The following KCNIP4 variants were observed in gnomAD, a reference collection of about 807,000 sequenced individuals.
KCNIP4 encodes Kv channel-interacting protein 4.
Under a neutral mutation model 34.0 loss-of-function variants are expected in KCNIP4, and 12 were observed. That is an observed-to-expected ratio of 0.35 (90% CI 0.23 to 0.57). KCNIP4 has a LOEUF of 0.57. KCNIP4 is among the 20% of genes least tolerant of loss of function. The pLI is 0.83. For missense variants in KCNIP4, 238 were observed against 311.7 expected (o/e 0.76, Z 1.78); for synonymous variants, 124 against 102.2 (o/e 1.21, Z -1.29).
intron 3 of KCNIP4, among the ~76,000 whole-genome samples, chr4:20,792,635 C>T (rs4697181): frequency 1 from 152,218 of 152,332 alleles, 76,053 homozygotes; most frequent in Middle Eastern, 1. Flanking sequence ...AAGTGGCAAA[C>T]ATTAGACAAA....
At chr4:20,849,780 T>C (rs1400256885) in intron 3 of KCNIP4, among the ~76,000 whole-genome samples, 1 of 152,226 alleles carries the variant, frequency 6.6e-6, no homozygotes. Context: ...GGATGAACTG[T>C]TTTCAGATAG....
At chr4:21,722,251 C>T (rs1714869323) in intron 1 of KCNIP4, among the ~76,000 whole-genome samples, 1 of 152,120 alleles carries the variant, frequency 6.6e-6, no homozygotes, top group Admixed American at 6.6e-5. Context: ...CACAGCTCAA[C>T]TGGGAAGAGA....
At chr4:21,031,629 G>A (rs865824150) in intron 1 of KCNIP4, among the ~76,000 whole-genome samples, 6 of 152,268 alleles carry the variant, frequency 3.9e-5, no homozygotes, top group Middle Eastern at 6.8e-3. Flanking sequence ...TCTCTCCACT[G>A]TACAATATCC....
chr4:21,052,722 C>T (rs1157505862), intron 1 of KCNIP4, among the ~76,000 whole-genome samples: 1 of 152,122 alleles, frequency 6.6e-6, no homozygotes, highest in East Asian at 1.9e-4. Context: ...CCCTTCTGTA[C>T]CTCCTCTGTC....
At chr4:21,626,784 TC>T (rs1183322697) in intron 1 of KCNIP4, among the ~76,000 whole-genome samples, 2 of 152,096 alleles carry the variant, frequency 1.3e-5, no homozygotes, top group African/African-American at 4.8e-5. Context: ...GGTTCTTTTT[TC>T]CCATTGAACG....
At chr4:20,753,192 TAGGG>T (rs1215195360) in intron 4 of KCNIP4, among the ~76,000 whole-genome samples, 2 of 152,128 alleles carry the variant, frequency 1.3e-5, no homozygotes, top group Non-Finnish European at 2.9e-5. Context: ...AAGGTAAAAA[TAGGG>T]ACTTGTAGTG....
chr4:21,105,602 A>G (rs529040970), intron 1 of KCNIP4, among the ~76,000 whole-genome samples: 2 of 151,636 alleles, frequency 1.3e-5, no homozygotes. Context: ...TCTCCTGCCT[A>G]ATTGCCCTGG....
At chr4:21,387,330 G>A (rs1056746162) in intron 1 of KCNIP4, among the ~76,000 whole-genome samples, 13 of 152,060 alleles carry the variant, frequency 8.5e-5, no homozygotes, top group African/African-American at 3.1e-4. Flanking sequence ...ATTTTCATTT[G>A]GTTCAATAAG....
intron 1 of KCNIP4, among the ~76,000 whole-genome samples, chr4:21,193,336 C>T (rs1483176497): frequency 6.6e-6 from 1 of 152,064 alleles, no homozygotes; most frequent in African/African-American, 2.4e-5. Flanking sequence ...AAAAGTAAAG[C>T]TTGCAGAGCA....
intron 1 of KCNIP4, among the ~76,000 whole-genome samples, chr4:21,075,172 A>T (rs1020067596): frequency 6.6e-6 from 1 of 152,188 alleles, no homozygotes; most frequent in African/African-American, 2.4e-5. Context: ...TGCAGAGCTG[A>T]GTTCAGTTCC....
chr4:21,485,839 T>A (rs1436779347), intron 1 of KCNIP4, among the ~76,000 whole-genome samples: 1 of 152,168 alleles, frequency 6.6e-6, no homozygotes, highest in Non-Finnish European at 1.5e-5. Flanking sequence ...CCCTAATGTC[T>A]AACGAACGAC....
intron 1 of KCNIP4, chr4:21,613,646 T>C (rs1332953630): frequency 6.6e-6 from 1 of 152,232 alleles, no homozygotes; most frequent in East Asian, 1.9e-4. Context: ...AAGACATGAG[T>C]ATACACTAAC....
At chr4:21,872,343 G>A (rs969458480) in intron 1 of KCNIP4, among the ~76,000 whole-genome samples, 7 of 152,146 alleles carry the variant, frequency 4.6e-5, no homozygotes, top group African/African-American at 1.4e-4. Flanking sequence ...CCAGCGCTAT[G>A]AGCCAGGATT....
At position 20,730,144 on chromosome 4, in the gene KCNIP4, C is replaced by A. The variant is rs967043483; in HGVS notation, c.706-15G>T. On this transcript the variant is annotated splice_polypyrimidine_tract_variant and intron_variant, in intron 8 of 8. Coordinates refer to ENST00000382152, the MANE Select transcript of KCNIP4 (RefSeq NM_025221.6). ...ATGTTTTCATCCTGTAAGGGAGAAA[C>A]ACAGAGCGATTAAATTCAGCATATC... The A allele has an allele frequency of 1.3e-6, 2 of 1,597,418 alleles. No individual in the cohort carries two copies. Among genetic ancestry groups the A allele is most frequent in the Admixed American group, 1.8e-5 (1 of 56,450 alleles).
chr4:21,087,145 AATGTGTGTGTGTGTGTGT>A (rs1746524237), intron 1 of KCNIP4, among the ~76,000 whole-genome samples: 1 of 70,260 alleles, frequency 1.4e-5, no homozygotes, highest in African/African-American at 4.9e-5. Context: ...ACTGCTGGGT[AATGTGTGTGTGTGTGTGT>A]GTGTGTGTGT....
intron 1 of KCNIP4, among the ~76,000 whole-genome samples, chr4:21,773,972 C>A (rs1425584073): frequency 6.6e-6 from 1 of 151,936 alleles, no homozygotes; most frequent in East Asian, 1.9e-4. Context: ...GAATTGGATC[C>A]TGACATCATG....
At chr4:20,821,116 G>C (rs1717053473) in intron 3 of KCNIP4, among the ~76,000 whole-genome samples, 1 of 152,144 alleles carries the variant, frequency 6.6e-6, no homozygotes, top group Admixed American at 6.5e-5. Context: ...GCTGCTGTGA[G>C]GGCTGTGCCC....
chr4:21,048,908 A>AT (rs909661779), intron 1 of KCNIP4, among the ~76,000 whole-genome samples: 3 of 151,580 alleles, frequency 2.0e-5, no homozygotes, highest in Non-Finnish European at 2.9e-5. Context: ...AGAGAGATCT[A>AT]AACAACCCCC....
At chr4:21,047,892 T>A (rs1297640896) in intron 1 of KCNIP4, among the ~76,000 whole-genome samples, 1 of 152,224 alleles carries the variant, frequency 6.6e-6, no homozygotes, top group Non-Finnish European at 1.5e-5. Context: ...AGATCATTTT[T>A]AAAAATAAGT....
Sources: allele counts gnomAD v4.1 joint callset (sites outside exome capture counted in the v4.1 genomes callset), GRCh38; gene constraint gnomAD v4.1.1; transcripts MANE v1.5; gene names NCBI Gene and HGNC (gene_info 2026-07-23, HGNC 2026-07-21).